OR3A2: variants seen among roughly 807,000 people sequenced by gnomAD.
OR3A2 encodes olfactory receptor family 3 subfamily A member 2, also known as olfactory receptor 3A2.
For missense variants in OR3A2, 318 were observed against 392.8 expected, an observed-to-expected ratio of 0.81 and a Z score of 1.61; for synonymous variants, 126 against 159.3, an observed-to-expected ratio of 0.79 and a Z score of 1.57.
intron 3 of OR3A2, among the ~76,000 whole-genome samples, chr17:3,332,941 C>T (rs539690536): frequency 1.3e-5 from 2 of 152,206 alleles, no homozygotes; most frequent in South Asian, 4.1e-4. Flanking sequence ...AATGAGTGCA[C>T]CTTGAAAAGA....
chr17:3,363,227 CT>C (rs1165200552), intron 2 of OR3A2, among the ~76,000 whole-genome samples: 1 of 151,602 alleles, frequency 6.6e-6, no homozygotes, highest in Non-Finnish European at 1.5e-5. Flanking sequence ...ATTTTTCAAA[CT>C]TTTATGCTCT....
rs561681224 is a variant in OR3A2 at position 3,338,250 on chromosome 17, T to G, written c.-178-2124A>C. Among the ~76,000 whole-genome samples the G allele has an allele frequency of 3.3e-5, 5 of 152,320 alleles. No individual in the cohort carries two copies. In the South Asian group the frequency reaches 1.0e-3, roughly 32 times the overall value. ...TGTTCACTCTGATGGTAGTTTCTTT[T>G]GCTGTGCAGAAGCTCTTCAGTTTAA... is the stretch of plus-strand genomic sequence containing the variant. On this transcript the variant is annotated intron_variant, in intron 2 of 4. Transcript: ENST00000573491.
chr17:3,346,503 C>T (rs9896596), intron 2 of OR3A2, among the ~76,000 whole-genome samples: 2,093 of 152,262 alleles, frequency 0.014, 37 homozygotes, highest in African/African-American at 0.046. Context: ...CTTGCCATCC[C>T]CTCCAGCATT....
At chr17:3,370,092 A>T (rs1282748270) in intron 2 of OR3A2, among the ~76,000 whole-genome samples, 2 of 152,144 alleles carry the variant, frequency 1.3e-5, no homozygotes, top group Non-Finnish European at 2.9e-5. Flanking sequence ...TGTGAGCCAC[A>T]GTGCCCAGCC....
chr17:3,331,372 C>T (rs1231813293), intron 3 of OR3A2, among the ~76,000 whole-genome samples: 1 of 152,128 alleles, frequency 6.6e-6, no homozygotes, highest in African/African-American at 2.4e-5. Flanking sequence ...TAGATTTGGT[C>T]TTTTCACATA....
intron 3 of OR3A2, among the ~76,000 whole-genome samples, chr17:3,304,714 G>T (rs1440721264): frequency 6.6e-6 from 1 of 152,120 alleles, no homozygotes; most frequent in East Asian, 1.9e-4. Context: ...ACAAAGCTTT[G>T]GTCCTCCCTT....
Position 3,281,204 on chromosome 17 carries a change from G to C in OR3A2, c.-6-2281C>G, listed in dbSNP as rs796952039. On this transcript the variant is annotated intron_variant, in intron 1 of 1. Transcript: ENST00000642052. ...ATTTACCCACAGGCCGATTAAATCA[G>C]AATCTCCCAAGATAATACCCAGGCA... Among the ~76,000 whole-genome samples, 13 of 151,552 alleles carry C rather than the reference G, an allele frequency of 8.6e-5. 1 individual carries two copies. The highest frequency in any genetic ancestry group is 3.2e-4 in the African/African-American group (13 of 41,260).
Position 3,317,259 on chromosome 17 carries a change from TG to T in OR3A2, c.-85+18773del, listed in dbSNP as rs1330533786. The stretch of plus-strand genomic sequence containing the variant: ...AAGTGAAACAGAAAGAGGTGAGCTT[TG>T]GAAAGAGTCTTGAAACATCAGCCAG... On this transcript the variant is annotated intron_variant, in intron 3 of 4. Transcript: ENST00000573491. 6.6e-5 allele frequency among the ~76,000 whole-genome samples: 10 copies of T among 152,172 alleles called. 1 individual carries two copies. Among genetic ancestry groups the T allele is most frequent in the African/African-American group, 2.2e-4 (9 of 41,444 alleles).
intron 1 of OR3A2, among the ~76,000 whole-genome samples, chr17:3,385,190 G>A (rs535560889): frequency 9.9e-5 from 15 of 152,154 alleles, no homozygotes; most frequent in Admixed American, 3.9e-4. Flanking sequence ...GTGAAACTCC[G>A]TCTCAAAATA....
At chr17:3,363,364 A>G (rs913073942) in intron 2 of OR3A2, among the ~76,000 whole-genome samples, 4 of 151,796 alleles carry the variant, frequency 2.6e-5, no homozygotes, top group Non-Finnish European at 5.9e-5. Flanking sequence ...TCAAAGTTCC[A>G]CAGATTTCTA....
intron 2 of OR3A2, among the ~76,000 whole-genome samples, chr17:3,340,851 T>C (rs61569141): frequency 0.017 from 2,624 of 152,282 alleles, 80 homozygotes; most frequent in African/African-American, 0.059. Context: ...ATCTGTCTAA[T>C]GTTGACAGTG....
At chr17:3,368,012 T>C (rs2049579208) in intron 2 of OR3A2, among the ~76,000 whole-genome samples, 1 of 152,204 alleles carries the variant, frequency 6.6e-6, no homozygotes, top group African/African-American at 2.4e-5. Flanking sequence ...CATTTTTTCC[T>C]ATGTTTGCTG....
At chr17:3,341,968 T>C (rs1368260597) in intron 2 of OR3A2, among the ~76,000 whole-genome samples, 2 of 152,208 alleles carry the variant, frequency 1.3e-5, no homozygotes, top group Non-Finnish European at 2.9e-5. Flanking sequence ...CGTTTCTTTT[T>C]ACTCTTTTTT....
chr17:3,367,862 C>G (rs1389370318), intron 2 of OR3A2, among the ~76,000 whole-genome samples: 1 of 151,892 alleles, frequency 6.6e-6, no homozygotes, highest in African/African-American at 2.4e-5. Context: ...TACACTCCCA[C>G]CAACAGTGTT....
At chr17:3,310,748 C>T (rs2049035525) in intron 3 of OR3A2, 1 of 555,058 alleles carries the variant, frequency 1.8e-6, no homozygotes, top group Admixed American at 1.9e-5. Flanking sequence ...TCCAGCAAGC[C>T]CTGGTGGGCA....
rs191632346 is a variant in OR3A2, at chr17:3,347,813, T to C, written c.-178-11687A>G. Among the ~76,000 whole-genome samples the C allele has an allele frequency of 5.3e-3, 814 of 152,358 alleles. 8 individuals are homozygous for C. Among genetic ancestry groups the C allele is most frequent in the Middle Eastern group, 0.01 (3 of 294 alleles). On this transcript the variant is annotated intron_variant, in intron 2 of 4. Transcript: ENST00000573491. The stretch of plus-strand genomic sequence containing the variant: ...TGTCTAGTTCTAGATCCCTGAGGAA[T>C]CGTCACACTGACTTCCACAATGGTT...
intron 3 of OR3A2, chr17:3,291,609 G>T: frequency 6.5e-7 from 1 of 1,537,590 alleles, no homozygotes; most frequent in South Asian, 1.2e-5. Flanking sequence ...ACAAGACACA[G>T]GGAGAAAGGG....
At chr17:3,304,045 T>C (rs990595278) in intron 3 of OR3A2, among the ~76,000 whole-genome samples, 2 of 150,324 alleles carry the variant, frequency 1.3e-5, no homozygotes, top group South Asian at 4.2e-4. Context: ...AAAGTAACAG[T>C]AAGCCAAAAA....
rs1331504131 is a variant in OR3A2 at position 3,330,471 on chromosome 17, CTTCT to C, written c.-85+5558_-85+5561del. ...GATCCCTTTACCATTATGTAATGGC[CTTCT>C]TTGTCTCTTTTGATTTTGTTGGTTT... is the stretch of plus-strand genomic sequence containing the variant. On this transcript the variant is annotated intron_variant, in intron 3 of 4. Coordinates refer to the OR3A2 transcript ENST00000573491. Among the ~76,000 whole-genome samples the C allele has an allele frequency of 5.3e-5, 8 of 152,070 alleles. No individual in the cohort carries two copies. In the South Asian group the frequency reaches 1.2e-3, roughly 24 times the overall value.
Sources: gnomAD v4.1 joint callset for allele counts (sites outside exome capture counted in the v4.1 genomes callset) on GRCh38, gnomAD v4.1.1 for gene constraint, MANE v1.5 for transcripts, NCBI Gene and HGNC (gene_info 2026-07-23, HGNC 2026-07-21) for gene names.